CSMD1: variants seen among roughly 807,000 people sequenced by gnomAD.
CSMD1 encodes the protein CUB and Sushi multiple domains 1.
A neutral mutation model predicts 417.5 loss-of-function variants in CSMD1; 213 were observed. The observed-to-expected ratio is 0.51, with a 90% CI of 0.46 to 0.57. The LOEUF (loss-of-function observed/expected upper bound fraction) is 0.57. CSMD1 is among the 20% of genes least tolerant of loss of function. CSMD1 has a pLI of 0.00. For synonymous variants in CSMD1, 2,862 were observed against 1,736.8 expected, an observed-to-expected ratio of 1.65 and a Z score of -16.11; for missense variants, 6,923 against 4,529.7, an observed-to-expected ratio of 1.53 and a Z score of -15.17.
chr8:4,440,492 A>G (rs906989788), intron 2 of CSMD1, among the ~76,000 whole-genome samples: 1 of 152,134 alleles, frequency 6.6e-6, no homozygotes. Context: ...AACTGTTCTC[A>G]TTTCCCTCTA....
chr8:3,088,284 G>T lies in CSMD1; in HGVS notation c.7286-999C>A, dbSNP rs562493922. On this transcript the variant is annotated intron_variant, in intron 48 of 69. Transcript: ENST00000635120. ...CAAGGCTAGGTCACTACTGCATAAG[G>T]CGAGGTCACTACTACACAAAATCCT... Among the ~76,000 whole-genome samples the T allele has an allele frequency of 4.3e-4, 65 of 152,280 alleles. 2 individuals are homozygous for T. In the East Asian group the frequency reaches 9.9e-3, roughly 23 times the overall value.
At chr8:3,629,350 C>A (rs9644347) in intron 7 of CSMD1, among the ~76,000 whole-genome samples, 1 of 151,874 alleles carries the variant, frequency 6.6e-6, no homozygotes, top group Non-Finnish European at 1.5e-5. Context: ...CATTCAGATA[C>A]AGCGTCCTCC....
At chr8:4,958,085 A>T (rs897240840) in intron 1 of CSMD1, among the ~76,000 whole-genome samples, 3 of 152,206 alleles carry the variant, frequency 2.0e-5, no homozygotes, top group Non-Finnish European at 4.4e-5. Flanking sequence ...TTGAGTGTTC[A>T]TAATCCATAA....
At chr8:4,637,879 C>G (rs904132829) in intron 1 of CSMD1, among the ~76,000 whole-genome samples, 4 of 151,158 alleles carry the variant, frequency 2.6e-5, no homozygotes, top group South Asian at 2.1e-4. Context: ...ACCTTGTTAG[C>G]CAGGATGGTC....
At chr8:3,993,640 G>A (rs777484838) in intron 5 of CSMD1, among the ~76,000 whole-genome samples, 1 of 152,174 alleles carries the variant, frequency 6.6e-6, no homozygotes, top group Non-Finnish European at 1.5e-5. Flanking sequence ...AAAGGGTCAA[G>A]TTATGCTGGT....
chr8:3,063,778 A>C (rs1306484862), intron 49 of CSMD1, among the ~76,000 whole-genome samples: 1 of 152,210 alleles, frequency 6.6e-6, no homozygotes, highest in Non-Finnish European at 1.5e-5. Context: ...AGAGTAGTTG[A>C]ATTCAGAGAG....
At chr8:3,426,678 T>A (rs1031359036) in intron 12 of CSMD1, among the ~76,000 whole-genome samples, 9 of 152,220 alleles carry the variant, frequency 5.9e-5, no homozygotes, top group African/African-American at 2.2e-4. Flanking sequence ...CTTACTTTAT[T>A]TTTCTTACAT....
intron 57 of CSMD1, among the ~76,000 whole-genome samples, chr8:2,971,074 G>A (rs62487747): frequency 0.082 from 12,524 of 152,116 alleles, 620 homozygotes; most frequent in East Asian, 0.12. Context: ...ATATCAGTAT[G>A]TATTTCCTAA....
chr8:4,382,950 G>A (rs1247799876), intron 3 of CSMD1, among the ~76,000 whole-genome samples: 2 of 152,158 alleles, frequency 1.3e-5, no homozygotes, highest in South Asian at 2.1e-4. Flanking sequence ...CACCTAAGCT[G>A]CATATACAGG....
chr8:4,525,181 C>G (rs1457756129), intron 2 of CSMD1, among the ~76,000 whole-genome samples: 1 of 152,188 alleles, frequency 6.6e-6, no homozygotes. Flanking sequence ...CACCTTCCCT[C>G]TATGCCACAA....
chr8:3,884,747 G>C (rs938406712), intron 5 of CSMD1, among the ~76,000 whole-genome samples: 2 of 152,016 alleles, frequency 1.3e-5, no homozygotes, highest in Non-Finnish European at 2.9e-5. Context: ...TAAAACCTGT[G>C]AGTAAATAAT....
intron 10 of CSMD1, among the ~76,000 whole-genome samples, chr8:3,556,552 C>CCCT (rs1554468422): frequency 3.6e-4 from 51 of 139,818 alleles, no homozygotes; most frequent in African/African-American, 1.2e-3. Context: ...ACACACACAC[C>CCCT]CTCTCTCTCT....
At chr8:3,765,633 A>G (rs1404667182) in intron 5 of CSMD1, among the ~76,000 whole-genome samples, 3 of 152,208 alleles carry the variant, frequency 2.0e-5, no homozygotes, top group Non-Finnish European at 2.9e-5. Context: ...AGAGAAGTGA[A>G]CCCTAAGATG....
At chr8:3,666,359 A>G (rs552825562) in intron 7 of CSMD1, among the ~76,000 whole-genome samples, 1 of 152,254 alleles carries the variant, frequency 6.6e-6, no homozygotes, top group African/African-American at 2.4e-5. Context: ...TCCGTTTAAA[A>G]TGACATATTC....
In CSMD1 at chr8:3,580,908, G is replaced by A. The variant is rs186191612; in HGVS notation, c.1222+5228C>T. Among the ~76,000 whole-genome samples, 86 of 152,296 alleles carry A rather than the reference G, an allele frequency of 5.6e-4. 1 individual carries two copies. Among genetic ancestry groups the A allele is most frequent in the Non-Finnish European group, 2.1e-4 (14 of 68,020 alleles). On this transcript the variant is annotated intron_variant, in intron 9 of 69. Coordinates refer to ENST00000635120, the MANE Select transcript of CSMD1 (RefSeq NM_033225.6). ...GCTGTAAAAGTTTTTGGTAAATGAT[G>A]AGTTCACAAATTAAGAATAATTTTT...
intron 6 of CSMD1, among the ~76,000 whole-genome samples, chr8:3,726,697 G>C (rs138914985): frequency 1.3e-5 from 2 of 152,258 alleles, no homozygotes; most frequent in Non-Finnish European, 2.9e-5. Flanking sequence ...GTGGTACGAG[G>C]TGTATATTTA....
intron 1 of CSMD1, among the ~76,000 whole-genome samples, chr8:4,730,670 A>T (rs371581309): frequency 1.3e-5 from 2 of 152,058 alleles, no homozygotes; most frequent in African/African-American, 4.8e-5. Context: ...GAACCCGGGA[A>T]GCGGAGCTTG....
At chr8:3,805,266 G>A (rs980399977) in intron 5 of CSMD1, among the ~76,000 whole-genome samples, 4 of 152,096 alleles carry the variant, frequency 2.6e-5, no homozygotes, top group African/African-American at 4.8e-5. Context: ...TTCTCCTAGG[G>A]CATCAGCATC....
chr8:4,472,161 T>G (rs1279162023), intron 2 of CSMD1, among the ~76,000 whole-genome samples: 1 of 152,218 alleles, frequency 6.6e-6, no homozygotes, highest in Non-Finnish European at 1.5e-5. Flanking sequence ...ACTTTTTAAA[T>G]ATTAATTTTA....
Sources: gnomAD v4.1 joint callset for allele counts (sites outside exome capture counted in the v4.1 genomes callset) on GRCh38, gnomAD v4.1.1 for gene constraint, MANE v1.5 for transcripts, NCBI Gene and HGNC (gene_info 2026-07-23, HGNC 2026-07-21) for gene names.